SPOCK3: variants seen among roughly 807,000 people sequenced by gnomAD.
SPOCK3 encodes the protein SPARC (osteonectin), cwcv and kazal like domains proteoglycan 3, also known as testican-3.
SPOCK3 carries 30 observed loss-of-function variants against 56.6 expected under a neutral mutation model. The ratio of observed to expected loss-of-function variants is 0.53; its 90% CI spans 0.40 to 0.72. SPOCK3 has a LOEUF of 0.72. Ranked by LOEUF, SPOCK3 falls within the 30% of genes least tolerant of loss-of-function variation. The pLI is 0.00. For missense variants in SPOCK3, 527 were observed against 530.0 expected, an observed-to-expected ratio of 0.99 and a Z score of 0.06; for synonymous variants, 196 against 183.3, an observed-to-expected ratio of 1.07 and a Z score of -0.56.
intron 6 of SPOCK3, among the ~76,000 whole-genome samples, chr4:166,797,570 C>T (rs1378735283): frequency 1.3e-5 from 2 of 151,798 alleles, no homozygotes; most frequent in African/African-American, 4.8e-5. Flanking sequence ...AATTATGAAT[C>T]ATCTAGTTGT....
At chr4:167,025,857 T>A (rs1395906370) in intron 3 of SPOCK3, among the ~76,000 whole-genome samples, 1 of 152,096 alleles carries the variant, frequency 6.6e-6, no homozygotes. Flanking sequence ...TAGAGTGTAC[T>A]TACACAACCT....
chr4:167,033,749 A>G (rs1229588534), intron 3 of SPOCK3, among the ~76,000 whole-genome samples: 1 of 152,056 alleles, frequency 6.6e-6, no homozygotes, highest in Admixed American at 6.6e-5. Context: ...ATAGAAATTT[A>G]AGATGAATTT....
intron 7 of SPOCK3, among the ~76,000 whole-genome samples, chr4:166,780,610 G>C (rs867896315): frequency 1.3e-5 from 2 of 152,108 alleles, no homozygotes; most frequent in Non-Finnish European, 2.9e-5. Flanking sequence ...AAGGAAAAGA[G>C]TTAAAAACAC....
At chr4:167,117,153 C>T (rs957417222) in intron 2 of SPOCK3, among the ~76,000 whole-genome samples, 14 of 151,704 alleles carry the variant, frequency 9.2e-5, no homozygotes, top group Admixed American at 2.0e-4. Flanking sequence ...TTGATCATTA[C>T]ACATTGTATG....
chr4:166,773,177 T>C (rs1739153446), intron 7 of SPOCK3, among the ~76,000 whole-genome samples: 2 of 152,212 alleles, frequency 1.3e-5, no homozygotes, highest in Admixed American at 1.3e-4. Flanking sequence ...CTATTCATTA[T>C]GATTATTTTC....
At chr4:167,151,877 T>C (rs1024468870) in intron 2 of SPOCK3, among the ~76,000 whole-genome samples, 7 of 152,204 alleles carry the variant, frequency 4.6e-5, no homozygotes, top group Non-Finnish European at 7.3e-5. Context: ...ATGGTTTCAT[T>C]GCTATGCTCT....
chr4:167,007,113 T>C (rs1749543946), intron 3 of SPOCK3, among the ~76,000 whole-genome samples: 1 of 152,282 alleles, frequency 6.6e-6, no homozygotes, highest in Admixed American at 6.5e-5. Context: ...TATTTTTCAG[T>C]TCTCAGAAAT....
At chr4:166,856,277 A>G (rs560441365) in intron 6 of SPOCK3, among the ~76,000 whole-genome samples, 11 of 152,290 alleles carry the variant, frequency 7.2e-5, no homozygotes, top group Middle Eastern at 3.4e-3. Context: ...TCTATTGCAC[A>G]GCATGGTGAC....
chr4:167,214,967 A>G (rs1561332461), intron 2 of SPOCK3, among the ~76,000 whole-genome samples: 2 of 150,936 alleles, frequency 1.3e-5, no homozygotes, highest in Admixed American at 6.6e-5. Context: ...GATAATATAC[A>G]TATATATATT....
rs569184121 is a variant in SPOCK3 at position 166,793,154 on chromosome 4, T to G, written c.590-865A>C. 2.0e-5 allele frequency among the ~76,000 whole-genome samples: 3 copies of G among 152,320 alleles called. No homozygotes were observed. In the East Asian group the frequency reaches 5.8e-4, roughly 29 times the overall value. ...ACCAATCCCTTGTGCATGCTGTAAA[T>G]GTGCAATTTCCTCAACTAACAAGTA... On this transcript the variant is annotated intron_variant, in intron 6 of 10. Transcript: ENST00000357545.
rs1743068188 is a variant in SPOCK3, at chr4:166,953,997, G to A, written c.351-41254C>T. ...ATATCTAATGCTAGATGACGAGTTA[G>A]TGGGTGCAGTGCACTAGCATGGCAC... On this transcript the variant is annotated intron_variant, in intron 4 of 10. Transcript: ENST00000357545. Among the ~76,000 whole-genome samples, 7 of 152,212 alleles carry A rather than the reference G, an allele frequency of 4.6e-5. No homozygotes were observed. In the South Asian group the frequency reaches 1.5e-3, roughly 32 times the overall value.
At chr4:166,908,944 C>A (rs140969563) in intron 5 of SPOCK3, among the ~76,000 whole-genome samples, 101 of 152,112 alleles carry the variant, frequency 6.6e-4, no homozygotes, top group African/African-American at 2.4e-3. Flanking sequence ...CAACCTTGAA[C>A]AGACTAACTA....
intron 2 of SPOCK3, among the ~76,000 whole-genome samples, chr4:167,152,475 C>G (rs908946996): frequency 4.6e-5 from 7 of 152,132 alleles, no homozygotes; most frequent in Non-Finnish European, 7.4e-5. Flanking sequence ...CTAATCCAGA[C>G]AGTCGAGTAG....
At chr4:166,979,483 C>T (rs1746345195) in intron 4 of SPOCK3, among the ~76,000 whole-genome samples, 1 of 152,190 alleles carries the variant, frequency 6.6e-6, no homozygotes, top group Non-Finnish European at 1.5e-5. Flanking sequence ...ACTCCTCCAT[C>T]TGTTTTGCTC....
chr4:167,047,511 A>G (rs2150213298), intron 3 of SPOCK3, among the ~76,000 whole-genome samples: 1 of 152,306 alleles, frequency 6.6e-6, no homozygotes, highest in South Asian at 2.1e-4. Flanking sequence ...AGAAAAATGC[A>G]TAATATGAAT....
intron 7 of SPOCK3, among the ~76,000 whole-genome samples, chr4:166,775,704 T>C (rs565003309): frequency 2.7e-4 from 41 of 152,258 alleles, no homozygotes; most frequent in African/African-American, 9.4e-4. Flanking sequence ...AAGGTAGACT[T>C]AGAGGGTGGC....
At chr4:166,745,892 G>A (rs1170900926) in intron 8 of SPOCK3, among the ~76,000 whole-genome samples, 1 of 152,102 alleles carries the variant, frequency 6.6e-6, no homozygotes, top group East Asian at 1.9e-4. Context: ...CAAAAAGAAG[G>A]CCATTACATA....
rs546042263 is a variant in SPOCK3 at position 166,898,352 on chromosome 4, G to A, written c.475-9108C>T. Reference sequence around the variant, plus strand: ...GGGCTCAAGGTTTCTCTCTCTCCAAGTGAGACAGAAGGCCCAGTACACTCA... The same window carrying A: ...GGGCTCAAGGTTTCTCTCTCTCCAAATGAGACAGAAGGCCCAGTACACTCA... On this transcript the variant is annotated intron_variant, in intron 5 of 10. Transcript: ENST00000357545. Among the ~76,000 whole-genome samples, 4 of 152,240 alleles carry A rather than the reference G, an allele frequency of 2.6e-5. No individual in the cohort carries two copies. The South Asian group carries it at 8.3e-4, about 32-fold the overall frequency.
chr4:167,158,203 A>T (rs909448661), intron 2 of SPOCK3, among the ~76,000 whole-genome samples: 4 of 151,988 alleles, frequency 2.6e-5, no homozygotes, highest in African/African-American at 9.7e-5. Context: ...CTCTAACCTT[A>T]AATGAGATGT....
Sources: gnomAD v4.1 joint callset for allele counts (sites outside exome capture counted in the v4.1 genomes callset) on GRCh38, gnomAD v4.1.1 for gene constraint, MANE v1.5 for transcripts, NCBI Gene and HGNC (gene_info 2026-07-23, HGNC 2026-07-21) for gene names.